Variants in TJP1 observed in about 807,000 individuals in gnomAD.
The protein encoded by TJP1 is tight junction protein 1, also known as tight junction protein ZO-1.
Under a neutral mutation model 194.2 loss-of-function variants are expected in TJP1, and 43 were observed. The ratio of observed to expected loss-of-function variants is 0.22; its 90% CI spans 0.17 to 0.29. The LOEUF is 0.29. Among genes scored for constraint, TJP1 ranks in the 10% least tolerant of loss-of-function variants. The pLI, the probability that TJP1 is intolerant of heterozygous loss-of-function variation, is 1.00. For missense variants in TJP1, 1,971 were observed against 2,185.7 expected (o/e 0.90, Z 1.96); for synonymous variants, 801 against 779.0 (o/e 1.03, Z -0.47).
chr15:29,914,021 G>A (rs1041635457), intron 2 of TJP1, among the ~76,000 whole-genome samples: 1 of 152,286 alleles, frequency 6.6e-6, no homozygotes. Flanking sequence ...CATTCTCATG[G>A]CATTAGGAAA....
At chr15:29,888,094 T>TA (rs1265136418) in intron 2 of TJP1, among the ~76,000 whole-genome samples, 6 of 152,176 alleles carry the variant, frequency 3.9e-5, no homozygotes, top group South Asian at 4.1e-4. Flanking sequence ...AAATGGTACT[T>TA]AGAGTGTATA....
chr15:29,774,086 G>A (rs909300094), intron 2 of TJP1, among the ~76,000 whole-genome samples: 2 of 152,128 alleles, frequency 1.3e-5, no homozygotes, highest in African/African-American at 4.8e-5. Context: ...AGGATATGAA[G>A]TACTTAAGAG....
intron 2 of TJP1, among the ~76,000 whole-genome samples, chr15:29,922,792 AATG>A: frequency 6.6e-6 from 1 of 152,326 alleles, no homozygotes; most frequent in Non-Finnish European, 1.5e-5. Context: ...ACAGTGTAAT[AATG>A]ATAATTAACA....
chr15:29,856,976 A>G (rs2051880365), intron 2 of TJP1, among the ~76,000 whole-genome samples: 1 of 152,164 alleles, frequency 6.6e-6, no homozygotes, highest in Non-Finnish European at 1.5e-5. Context: ...ATTGTATTAC[A>G]TATTATAAGT....
At chr15:29,860,608 A>G (rs912754643) in intron 2 of TJP1, among the ~76,000 whole-genome samples, 5 of 152,034 alleles carry the variant, frequency 3.3e-5, no homozygotes, top group Non-Finnish European at 5.9e-5. Flanking sequence ...TTAATACTTC[A>G]TTACTTTTTA....
chr15:29,797,665 G>A lies in TJP1; in HGVS notation c.84+2981C>T, dbSNP rs1442614138. On this transcript the variant is annotated intron_variant, in intron 2 of 27. Coordinates refer to ENST00000614355, the MANE Select transcript of TJP1 (RefSeq NM_001330239.4). ...TCACAGAGTAAAAAGGCAATCCATG[G>A]AAAGGAAAAAAATATTTGCAAATCA... Among the ~76,000 whole-genome samples, 4 of 149,414 alleles carry A rather than the reference G, an allele frequency of 2.7e-5. No homozygotes were observed. The East Asian group carries it at 7.8e-4, about 29-fold the overall frequency.
intron 1 of TJP1, among the ~76,000 whole-genome samples, chr15:29,965,448 G>C (rs769124030): frequency 6.6e-6 from 1 of 152,146 alleles, no homozygotes; most frequent in Non-Finnish European, 1.5e-5. Context: ...CTGACCTCAA[G>C]TGGTCCACCC....
intron 2 of TJP1, among the ~76,000 whole-genome samples, chr15:29,834,802 G>A (rs1567118136): frequency 6.6e-6 from 1 of 152,164 alleles, no homozygotes; most frequent in Non-Finnish European, 1.5e-5. Flanking sequence ...CAGGGATTCT[G>A]CGCTTTGGGG....
chr15:29,856,746 G>A (rs2051867222), intron 2 of TJP1, among the ~76,000 whole-genome samples: 1 of 151,944 alleles, frequency 6.6e-6, no homozygotes, highest in Non-Finnish European at 1.5e-5. Flanking sequence ...GGCTGAGGCG[G>A]GCAGATCACG....
In TJP1 at chr15:29,728,143, A is replaced by G. The variant is rs990425848; in HGVS notation, c.2018-124T>C. 24 of 692,242 alleles carry G rather than the reference A, an allele frequency of 3.5e-5. No individual in the cohort carries two copies. The South Asian group carries it at 4.4e-4, about 13-fold the overall frequency. The allele number at this position is 692,242 out of a possible 1,614,324, so 42.9% of individuals were successfully genotyped here. ...GTACTTTGTTTGTGGAAACTGTCTT[A>G]TGCATGCAGTACTTAAAGTGAGTTT... On this transcript the variant is annotated intron_variant, in intron 15 of 27. Transcript: ENST00000614355.
chr15:29,885,277 G>A (rs887821143), intron 2 of TJP1, among the ~76,000 whole-genome samples: 8 of 152,310 alleles, frequency 5.3e-5, no homozygotes, highest in African/African-American at 1.7e-4. Context: ...GTCAGAAAAT[G>A]AGTACGTGTC....
chr15:29,702,679 C>T (rs543033935), intron 27 of TJP1, among the ~76,000 whole-genome samples: 10 of 152,248 alleles, frequency 6.6e-5, no homozygotes, highest in African/African-American at 2.2e-4. Flanking sequence ...GCTTACAGTA[C>T]GTTAGACATT....
intron 2 of TJP1, among the ~76,000 whole-genome samples, chr15:29,868,201 CAG>C (rs1194290304): frequency 1.3e-5 from 2 of 152,104 alleles, no homozygotes; most frequent in African/African-American, 4.8e-5. Context: ...GCATGGGTGA[CAG>C]AGTGAGACCC....
Position 29,700,391 on chromosome 15 carries a change from G to C in TJP1, c.*1204C>G. On this transcript the variant is annotated 3_prime_UTR_variant, in exon 28 of 28. Coordinates refer to ENST00000614355, the MANE Select transcript of TJP1 (RefSeq NM_001330239.4). ...GAATTTAATCAAACTAGAGAATTCT[G>C]AGTAACTGTATCTTTTAAATGCAGC... 2.5e-6 allele frequency: 1 copy of C among 398,868 alleles called. No individual in the cohort carries two copies. Among genetic ancestry groups the C allele is most frequent in the Non-Finnish European group, 4.4e-6 (1 of 226,024 alleles). The allele number at this position is 398,868 out of a possible 1,614,324, so 24.7% of individuals were successfully genotyped here. A position where few individuals can be genotyped will look rare whatever the true frequency, so the allele number is the denominator to read the frequency against.
At position 29,701,757 on chromosome 15, in the gene TJP1, A is replaced by G. The variant is rs1265534786; in HGVS notation, c.5213-68T>C. On this transcript the variant is annotated intron_variant, in intron 27 of 27. Transcript: ENST00000614355. The stretch of plus-strand genomic sequence containing the variant: ...CTGCTATCCGTAATGCTTTGCAATT[A>G]TAGGGCAAATACGTATATTTAGACA... 15 of 1,117,968 alleles carry G rather than the reference A, an allele frequency of 1.3e-5. No homozygotes were observed. The East Asian group carries it at 2.8e-4, about 21-fold the overall frequency. The allele number at this position is 1,117,968 out of a possible 1,614,324, so 69.3% of individuals were successfully genotyped here.
chr15:29,812,133 T>C (rs955819246), intron 1 of TJP1, among the ~76,000 whole-genome samples: 1 of 152,198 alleles, frequency 6.6e-6, no homozygotes, highest in Non-Finnish European at 1.5e-5. Context: ...AGACTCAGGA[T>C]TCAGATTCCA....
intron 2 of TJP1, among the ~76,000 whole-genome samples, chr15:29,881,040 A>T (rs2052909118): frequency 6.6e-6 from 1 of 152,152 alleles, no homozygotes; most frequent in African/African-American, 2.4e-5. Flanking sequence ...GTGGCATTTT[A>T]CACTCCCACC....
At chr15:29,863,283 G>A (rs2052165801) in intron 2 of TJP1, among the ~76,000 whole-genome samples, 1 of 147,184 alleles carries the variant, frequency 6.8e-6, no homozygotes, top group Non-Finnish European at 1.5e-5. Context: ...GCGACAAAGC[G>A]AGCCTTTGTC....
At chr15:29,734,485 C>CAT in intron 11 of TJP1, 103 bp from the exon 12 acceptor site, 1 of 764,200 alleles carries the variant, frequency 1.3e-6, no homozygotes, top group Non-Finnish European at 1.9e-6. Context: ...GAAAATATCA[C>CAT]ATCTTTTTTT....
Sources: gnomAD v4.1 joint callset for allele counts (sites outside exome capture counted in the v4.1 genomes callset) on GRCh38, gnomAD v4.1.1 for gene constraint, MANE v1.5 for transcripts, NCBI Gene and HGNC (gene_info 2026-07-23, HGNC 2026-07-21) for gene names.